HSPA12A: variants seen among roughly 807,000 people sequenced by gnomAD.
The protein encoded by HSPA12A is heat shock protein family A (Hsp70) member 12A.
A neutral mutation model predicts 69.2 loss-of-function variants in HSPA12A; 28 were observed. That is an observed-to-expected ratio of 0.40 (90% CI 0.30 to 0.55). The LOEUF is 0.55. Ranked by LOEUF, HSPA12A falls within the 20% of genes least tolerant of loss-of-function variation. HSPA12A has a pLI of 0.38. For synonymous variants in HSPA12A, 345 were observed against 370.5 expected, an observed-to-expected ratio of 0.93 and a Z score of 0.79; for missense variants, 686 against 900.7, an observed-to-expected ratio of 0.76 and a Z score of 3.05.
In HSPA12A at chr10:116,688,720, G is replaced by A. The variant is rs73380032; in HGVS notation, c.663+3631C>T. On this transcript the variant is annotated intron_variant, in intron 6 of 11. Transcript: ENST00000369209. The stretch of plus-strand genomic sequence containing the variant: ...AGCTTGTTCAGAAAGGGAGGCAGAA[G>A]AAGCTGCGTCTCCATGTTAGATGAG... Among the ~76,000 whole-genome samples, 563 of 152,358 alleles carry A rather than the reference G, an allele frequency of 3.7e-3. 6 individuals are homozygous for A. The highest frequency in any genetic ancestry group is 0.013 in the African/African-American group (537 of 41,588).
intron 2 of HSPA12A, among the ~76,000 whole-genome samples, chr10:116,757,360 A>G (rs565448672): frequency 6.6e-6 from 1 of 152,174 alleles, no homozygotes; most frequent in East Asian, 1.9e-4. Context: ...TCCAAGTGAC[A>G]GGGCTGATGA....
chr10:116,705,415 T>A, intron 2 of HSPA12A, 137 bp from the exon 3 acceptor site: 1 of 1,077,600 alleles, frequency 9.3e-7, no homozygotes, highest in Non-Finnish European at 1.4e-6. Context: ...AGCTCAAGTC[T>A]ACCACCTGGG....
At chr10:116,739,048 T>TATGG (rs1386478845) in intron 1 of HSPA12A, among the ~76,000 whole-genome samples, 1 of 152,154 alleles carries the variant, frequency 6.6e-6, no homozygotes, top group African/African-American at 2.4e-5. Flanking sequence ...GTCACTACCA[T>TATGG]CTACAGCTTG....
At chr10:116,788,928 A>C (rs1844639620) in intron 2 of HSPA12A, among the ~76,000 whole-genome samples, 1 of 150,890 alleles carries the variant, frequency 6.6e-6, no homozygotes, top group Admixed American at 6.6e-5. Context: ...TGCAGTGGCA[A>C]GATCTCAGCT....
chr10:116,813,247 A>T (rs867632591), intron 2 of HSPA12A, among the ~76,000 whole-genome samples: 120 of 99,996 alleles, frequency 1.2e-3, no homozygotes, highest in South Asian at 1.8e-3. Context: ...CCAGAGCTCT[A>T]TTTTTTTTTT....
chr10:116,687,995 A>AT (rs538857128), intron 6 of HSPA12A, among the ~76,000 whole-genome samples: 115 of 149,440 alleles, frequency 7.7e-4, no homozygotes, highest in Admixed American at 3.6e-3. Flanking sequence ...TTTTTTTGCG[A>AT]TTTTTTTTTT....
chr10:116,843,859 AAATAAAC>A (rs1304317511), intron 1 of HSPA12A, among the ~76,000 whole-genome samples: 1 of 152,224 alleles, frequency 6.6e-6, no homozygotes, highest in African/African-American at 2.4e-5. Flanking sequence ...GCAATGATTA[AAATAAAC>A]AATATGTCTC....
At chr10:116,790,991 C>T (rs915684811) in intron 2 of HSPA12A, among the ~76,000 whole-genome samples, 20 of 152,136 alleles carry the variant, frequency 1.3e-4, no homozygotes, top group Admixed American at 2.0e-4. Context: ...GCACCTGGCC[C>T]GTCCAGTTAT....
chr10:116,786,947 G>A (rs1589705795), intron 2 of HSPA12A, among the ~76,000 whole-genome samples: 1 of 151,654 alleles, frequency 6.6e-6, no homozygotes, highest in Non-Finnish European at 1.5e-5. Flanking sequence ...GCCTCCTGGG[G>A]ACATGTTTTA....
chr10:116,695,525 T>C (rs1463501078), intron 5 of HSPA12A, among the ~76,000 whole-genome samples: 1 of 151,014 alleles, frequency 6.6e-6, no homozygotes, highest in African/African-American at 2.4e-5. Flanking sequence ...CTACTAAAAA[T>C]ACAAAAATTG....
chr10:116,741,502 C>T (rs986078400), intron 1 of HSPA12A, among the ~76,000 whole-genome samples: 2 of 152,226 alleles, frequency 1.3e-5, no homozygotes, highest in Non-Finnish European at 2.9e-5. Context: ...CGCCGAGGCC[C>T]TGCAGGTCAG....
In HSPA12A at chr10:116,674,478, T is replaced by C; in HGVS notation, c.*303A>G. On this transcript the variant is annotated 3_prime_UTR_variant, in exon 12 of 12. Transcript: ENST00000369209. ...CTGTTCAAAGCAGCGCAACCACTGC[T>C]GCAGAAATGTACTGATTCCCTTCTC... 1 of 405,200 alleles carries C rather than the reference T, an allele frequency of 2.5e-6. No individual in the cohort carries two copies. Among genetic ancestry groups the C allele is most frequent in the South Asian group, 3.4e-5 (1 of 29,566 alleles). 25.1% of individuals were successfully genotyped at this position (405,200 alleles called of 1,614,324 possible). A position where few individuals can be genotyped will look rare whatever the true frequency, so the allele number is the denominator to read the frequency against.
chr10:116,682,404 T>C (rs1849434808), intron 7 of HSPA12A, among the ~76,000 whole-genome samples: 1 of 148,664 alleles, frequency 6.7e-6, no homozygotes, highest in Admixed American at 6.7e-5. Flanking sequence ...TTTTGTCTGA[T>C]ACAAGGAATT....
upstream of HSPA12A, chr10:116,849,910 T>C: frequency 1.3e-6 from 1 of 762,204 alleles, no homozygotes; most frequent in Non-Finnish European, 2.3e-6. Flanking sequence ...CACCCAGGGG[T>C]GAAGGGATCT....
intron 2 of HSPA12A, among the ~76,000 whole-genome samples, chr10:116,820,892 C>T (rs1030921678): frequency 2.6e-5 from 4 of 152,144 alleles, no homozygotes; most frequent in African/African-American, 7.2e-5. Flanking sequence ...CCTCCAGTTG[C>T]TGGCACATCA....
At chr10:116,699,327 T>A (rs1447485188) in intron 4 of HSPA12A, among the ~76,000 whole-genome samples, 4 of 152,066 alleles carry the variant, frequency 2.6e-5, no homozygotes, top group Non-Finnish European at 5.9e-5. Flanking sequence ...AGCTGCTGAG[T>A]GTGGTCCCAG....
At chr10:116,693,607 G>T (rs1336864236) in intron 5 of HSPA12A, among the ~76,000 whole-genome samples, 1 of 152,184 alleles carries the variant, frequency 6.6e-6, no homozygotes, top group Non-Finnish European at 1.5e-5. Context: ...GCTCTGGAGA[G>T]ACAAGAAAGA....
intron 2 of HSPA12A, chr10:116,750,142 T>G (rs1851741816): frequency 6.9e-5 from 41 of 590,662 alleles, no homozygotes; most frequent in Non-Finnish European, 6.9e-5. Flanking sequence ...CTTATGCTCA[T>G]GAGCTACCAA....
At chr10:116,850,718 A>T (rs1170079420), upstream of HSPA12A, among the ~76,000 whole-genome samples, 1 of 152,052 alleles carries the variant, frequency 6.6e-6, no homozygotes. Context: ...ATCAAAGGGG[A>T]GAGGTGTGGG....
Sources: gnomAD v4.1 joint callset for allele counts (sites outside exome capture counted in the v4.1 genomes callset) on GRCh38, gnomAD v4.1.1 for gene constraint, MANE v1.5 for transcripts, NCBI Gene and HGNC (gene_info 2026-07-23, HGNC 2026-07-21) for gene names.